Variants in PDE1C observed in about 807,000 individuals in gnomAD.
The protein encoded by PDE1C is dual specificity calcium/calmodulin-dependent 3',5'-cyclic nucleotide phosphodiesterase 1C.
In PDE1C, 62 loss-of-function variants were observed where a neutral mutation model predicts 93.1. The observed-to-expected ratio is 0.67, with a 90% CI of 0.54 to 0.82. PDE1C has a LOEUF of 0.82. Among genes scored for constraint, PDE1C ranks in the 40% least tolerant of loss-of-function variants. The pLI, the probability that PDE1C is intolerant of heterozygous loss-of-function variation, is 0.00. For missense variants in PDE1C, 742 were observed against 884.6 expected (o/e 0.84, Z 2.04); for synonymous variants, 325 against 310.1 (o/e 1.05, Z -0.50).
chr7:31,996,515 C>T (rs1563162876), intron 2 of PDE1C, among the ~76,000 whole-genome samples: 1 of 152,054 alleles, frequency 6.6e-6, no homozygotes, highest in African/African-American at 2.4e-5. Context: ...TCTGATGAGG[C>T]GATTATAGAA....
chr7:31,749,029 C>T (rs575661539), downstream of PDE1C, among the ~76,000 whole-genome samples: 199 of 152,258 alleles, frequency 1.3e-3, 3 homozygotes, highest in Middle Eastern at 0.014. Flanking sequence ...TAGTGGCTAT[C>T]AACCATCTCT....
At chr7:32,314,048 G>T (rs1783114431) in intron 1 of PDE1C, among the ~76,000 whole-genome samples, 1 of 151,514 alleles carries the variant, frequency 6.6e-6, no homozygotes, top group South Asian at 2.1e-4. Flanking sequence ...AAGTAAATGA[G>T]AAATGAAAAA....
At chr7:32,014,069 G>T (rs1787526095) in intron 2 of PDE1C, among the ~76,000 whole-genome samples, 1 of 152,222 alleles carries the variant, frequency 6.6e-6, no homozygotes, top group South Asian at 2.1e-4. Flanking sequence ...CACGTGGGTG[G>T]CCCTGTGGGG....
intron 2 of PDE1C, among the ~76,000 whole-genome samples, chr7:31,901,404 A>G (rs1388002982): frequency 6.6e-6 from 1 of 151,430 alleles, no homozygotes; most frequent in South Asian, 2.1e-4. Context: ...GCCAAAGTAT[A>G]TATCTAGGAA....
the PDE1C span, among the ~76,000 whole-genome samples, chr7:31,718,690 C>A: frequency 6.6e-6 from 1 of 152,136 alleles, no homozygotes; most frequent in African/African-American, 2.4e-5. Flanking sequence ...GAGGGGGAAT[C>A]CCTGTGTACC....
Position 31,864,952 on chromosome 7 carries a change from G to A in PDE1C, c.740C>T (p.Thr247Ile), listed in dbSNP as rs753583876. ...TQTVHYLLYK[T>I]GVANWLTELE... ...CCTATCCCTACTTACCGCCACTCCTGTCTTATAGAGGAGGTAATGCACTGT... is the reference window on the plus strand; with the variant it reads ...CCTATCCCTACTTACCGCCACTCCTATCTTATAGAGGAGGTAATGCACTGT... Residue 247 changes from threonine (T) to isoleucine (I), a missense_variant, in exon 7 of 18, where the codon ACA (threonine) becomes ATA (isoleucine). By Grantham distance (89) the Thr-to-Ile change is moderately conservative. Around this residue, in one of 4 missense-constraint regions of PDE1C, gnomAD observed 205 missense variants for 295.3 expected, o/e 0.69. Transcript: ENST00000396191. The A allele has an allele frequency of 6.2e-7, 1 of 1,613,712 alleles. No individual in the cohort carries two copies.
At chr7:31,732,586 C>G in the PDE1C span, among the ~76,000 whole-genome samples, 4 of 151,364 alleles carry the variant, frequency 2.6e-5, no homozygotes, top group Non-Finnish European at 4.4e-5. Context: ...ATTCTACAAT[C>G]ACATAGGCCA....
At chr7:32,189,932 TA>T (rs1327060669) in intron 2 of PDE1C, among the ~76,000 whole-genome samples, 1 of 152,224 alleles carries the variant, frequency 6.6e-6, no homozygotes, top group Admixed American at 6.5e-5. Context: ...CTTTTGTATC[TA>T]CTTCTAAGAT....
chr7:31,731,350 A>G, the PDE1C span, among the ~76,000 whole-genome samples: 1 of 150,260 alleles, frequency 6.7e-6, no homozygotes, highest in African/African-American at 2.4e-5. Context: ...ACCACCTCCT[A>G]ATATCATTAA....
intron 1 of PDE1C, among the ~76,000 whole-genome samples, chr7:32,294,219 T>C (rs1404659003): frequency 6.6e-6 from 1 of 152,208 alleles, no homozygotes; most frequent in Non-Finnish European, 1.5e-5. Context: ...TAGGGGCTTC[T>C]TGTTTTTCCT....
chr7:32,029,184 A>G (rs777349689), intron 2 of PDE1C, among the ~76,000 whole-genome samples: 28 of 152,168 alleles, frequency 1.8e-4, no homozygotes, highest in Non-Finnish European at 3.7e-4. Flanking sequence ...AAATAAAACC[A>G]CAATGAGATA....
chr7:32,385,625 T>A (rs191953), intron 1 of PDE1C, among the ~76,000 whole-genome samples: 139,713 of 152,148 alleles, frequency 0.92, 64,356 homozygotes, highest in East Asian at 0.99. Flanking sequence ...TCCTTTACAG[T>A]GCATTTGAGG....
Position 32,309,418 on chromosome 7 carries a change from A to G in PDE1C, c.311-99879T>C, listed in dbSNP as rs368581702. 5.9e-4 allele frequency among the ~76,000 whole-genome samples: 90 copies of G among 152,164 alleles called. 1 individual carries two copies. The highest frequency in any genetic ancestry group is 1.9e-3 in the African/African-American group (77 of 41,448). ...AGAGAAAGCCACAAAGATACTCCTC[A>G]AGAAGAGCAACTCCAAGACACATAA... On this transcript the variant is annotated intron_variant, in intron 1 of 1. Transcript: ENST00000672256.
chr7:32,312,315 A>C (rs1016898548), intron 1 of PDE1C, among the ~76,000 whole-genome samples: 17 of 151,680 alleles, frequency 1.1e-4, no homozygotes, highest in African/African-American at 3.9e-4. Context: ...AATATCGTGA[A>C]AATGGCCATA....
chr7:31,783,513 T>C (rs983089697), intron 16 of PDE1C: 1 of 152,200 alleles, frequency 6.6e-6, no homozygotes, highest in Non-Finnish European at 1.5e-5. Context: ...CTTTTCATTT[T>C]TCCAATTCCA....
At chr7:31,771,648 T>C (rs1414429366) in intron 17 of PDE1C, among the ~76,000 whole-genome samples, 1 of 152,094 alleles carries the variant, frequency 6.6e-6, no homozygotes, top group Admixed American at 6.5e-5. Context: ...CTTATCCCAA[T>C]ATATAATTTG....
chr7:32,076,020 G>A (rs375794867), upstream of PDE1C, among the ~76,000 whole-genome samples: 14 of 152,276 alleles, frequency 9.2e-5, 3 homozygotes. Flanking sequence ...ACAGAGGCAT[G>A]GTTAGTCTGG....
intron 1 of PDE1C, among the ~76,000 whole-genome samples, chr7:32,341,171 G>GTTTTTTTTTT (rs1585117105): frequency 2.0e-5 from 1 of 50,390 alleles, no homozygotes; most frequent in Non-Finnish European, 4.9e-5. Flanking sequence ...TAGAAATAAA[G>GTTTTTTTTTT]TCTTTTTTTT....
chr7:32,424,505 G>A (rs986217618), intron 1 of PDE1C, among the ~76,000 whole-genome samples: 7 of 152,132 alleles, frequency 4.6e-5, no homozygotes, highest in African/African-American at 1.2e-4. Flanking sequence ...AAACTAAGTC[G>A]GGTGCAGTGG....
Sources: allele counts gnomAD v4.1 joint callset (sites outside exome capture counted in the v4.1 genomes callset), GRCh38; gene constraint gnomAD v4.1.1; regional missense constraint gnomAD v4.1.1; transcripts MANE v1.5; gene names NCBI Gene and HGNC (gene_info 2026-07-23, HGNC 2026-07-21).